Variants in HTT observed in about 807,000 individuals in gnomAD.
HTT encodes huntingtin, also known as huntington disease protein.
Under a neutral mutation model 362.3 loss-of-function variants are expected in HTT, and 104 were observed. That is an observed-to-expected ratio of 0.29 (90% confidence interval 0.24 to 0.34). HTT has a LOEUF of 0.34. HTT is among the 10% of genes least tolerant of loss of function. The pLI is 1.00. For synonymous variants in HTT, 1,577 were observed against 1,548.7 expected, an observed-to-expected ratio of 1.02 and a Z score of -0.43; for missense variants, 3,301 against 3,928.6, an observed-to-expected ratio of 0.84 and a Z score of 4.27.
intron 1 of HTT, among the ~76,000 whole-genome samples, chr4:3,081,814 C>G (rs1346734885): frequency 1.3e-5 from 2 of 151,696 alleles, no homozygotes; most frequent in Non-Finnish European, 2.9e-5. Flanking sequence ...GCCTCAGCCT[C>G]CCAAAGTGCT....
In HTT at chr4:3,188,992, T is replaced by C; in HGVS notation, c.5267T>C (p.Val1756Ala). ...GTTGGTATTCTTTTAGAAGACATTG[T>C]TACAAAACAGCTGAAGGTGGAAATG... The part of the protein sequence containing the change: ...QLVGILLEDI[V>A]TKQLKVEMSE... The change falls in exon 40 of 67, where the codon GTT (valine) becomes GCT (alanine). Residue 1756 changes from valine (V) to alanine (A), a missense_variant. Val to Ala is a moderately conservative substitution (Grantham distance 64). This residue lies in a region of HTT where 2,316 missense variants were observed against 2,658.5 expected (regional missense o/e 0.87). Coordinates refer to ENST00000355072, the MANE Select transcript of HTT (RefSeq NM_001388492.1). The C allele has an allele frequency of 6.2e-7, 1 of 1,614,130 alleles. No individual in the cohort carries two copies. Among genetic ancestry groups the C allele is most frequent in the Non-Finnish European group, 8.5e-7 (1 of 1,179,958 alleles).
At chr4:3,147,001 T>G in intron 25 of HTT, 53 bp downstream of exon 25, 1 of 1,566,122 alleles carries the variant, frequency 6.4e-7, no homozygotes, top group South Asian at 1.1e-5. Context: ...TTGATTTCCT[T>G]AGGGGGAATG....
chr4:3,095,895 A>G (rs779763924), intron 2 of HTT, among the ~76,000 whole-genome samples: 2 of 152,372 alleles, frequency 1.3e-5, no homozygotes, highest in South Asian at 2.1e-4. Context: ...CAACCTAACT[A>G]TGTCAAAAAG....
Position 3,123,681 on chromosome 4 carries a change from C to T in HTT, c.1321+745C>T, listed in dbSNP as rs113855027. ...CTCCAGCCTAGGCAACAGAATGAGA[C>T]CTTGTGTCTTAAAAAAAAAAAGTTT... On this transcript the variant is annotated intron_variant, in intron 10 of 66. Coordinates refer to ENST00000355072, the MANE Select transcript of HTT (RefSeq NM_001388492.1). 6.3e-3 allele frequency among the ~76,000 whole-genome samples: 961 copies of T among 152,044 alleles called. 10 individuals carry two copies. Among genetic ancestry groups the T allele is most frequent in the African/African-American group, 0.022 (919 of 41,474 alleles).
chr4:3,215,442 A>G (rs1720352997), intron 51 of HTT, among the ~76,000 whole-genome samples: 2 of 152,060 alleles, frequency 1.3e-5, no homozygotes, highest in South Asian at 4.2e-4. Flanking sequence ...CTGACCCTAC[A>G]GACCAGCTGG....
chr4:3,086,708 A>G (rs1713227088), intron 1 of HTT, among the ~76,000 whole-genome samples: 1 of 152,152 alleles, frequency 6.6e-6, no homozygotes, highest in African/African-American at 2.4e-5. Flanking sequence ...GGGGAAATGA[A>G]CTGCTTTAGT....
intron 1 of HTT, among the ~76,000 whole-genome samples, chr4:3,075,856 T>C (rs1267451662): frequency 2.0e-5 from 3 of 149,766 alleles, no homozygotes; most frequent in Non-Finnish European, 4.4e-5. Flanking sequence ...GAATGAGTTG[T>C]GGTTGCCAAG....
chr4:3,126,107 C>T (rs1339311535), intron 11 of HTT, among the ~76,000 whole-genome samples: 1 of 152,212 alleles, frequency 6.6e-6, no homozygotes, highest in Non-Finnish European at 1.5e-5. Flanking sequence ...CACTGGAGTG[C>T]AGTGGTGTGC....
In HTT at chr4:3,130,037, C is replaced by G. The variant is rs1354746576; in HGVS notation, c.1857C>G (p.Asn619Lys). The G allele has an allele frequency of 1.1e-5, 18 of 1,609,870 alleles. No homozygotes were observed. Among genetic ancestry groups the G allele is most frequent in the South Asian group, 7.7e-5 (7 of 90,384 alleles). Residue 619 changes from asparagine to lysine, a missense_variant, in exon 13 of 67, where the codon AAC becomes AAG. Asn to Lys is a moderately conservative substitution (Grantham distance 94). This residue lies in a region of HTT where 2,316 missense variants were observed against 2,658.5 expected (regional missense o/e 0.87). Coordinates refer to ENST00000355072, the MANE Select transcript of HTT (RefSeq NM_001388492.1). Reference sequence around the variant, plus strand: ...ATGAAGCCTCGGAGGCCTTCAGGAACTCTTCCATGGGTATGTGGACTACAG... The same window carrying G: ...ATGAAGCCTCGGAGGCCTTCAGGAAGTCTTCCATGGGTATGTGGACTACAG... ...LPDEASEAFR[N>K]SSMALQQAHL... is the part of the protein sequence containing the mutation.
intron 28 of HTT, 89 bp downstream of exon 28, chr4:3,157,288 G>T: frequency 8.0e-7 from 1 of 1,242,732 alleles, no homozygotes. Context: ...TTTGTAGGAT[G>T]TATAAGCCCT....
Position 3,092,647 on chromosome 4 carries a change from G to A in HTT, c.347+5625G>A, listed in dbSNP as rs377255005. Among the ~76,000 whole-genome samples the A allele has an allele frequency of 4.6e-5, 7 of 152,284 alleles. No homozygotes were observed. The East Asian group carries it at 7.7e-4, about 17-fold the overall frequency. Reference sequence around the variant, plus strand: ...TCCTCCCACCTTGGCCTCCCAAAGCGCTGAGATTACAGGCATGAGCCACCA... The same window carrying A: ...TCCTCCCACCTTGGCCTCCCAAAGCACTGAGATTACAGGCATGAGCCACCA... On this transcript the variant is annotated intron_variant, in intron 2 of 66. Transcript: ENST00000355072.
In HTT at chr4:3,186,602, C is replaced by T; in HGVS notation, c.4872C>T (p.His1624=). Residue 1624 remains histidine, a synonymous_variant, in exon 38 of 67, where the codon CAC becomes CAT. Transcript: ENST00000355072. ...TGTGGTGTCTAATTCCACAGATGCACATTGACTCTCATGAAGCCCTTGGAG... is the reference window on the plus strand; with the variant it reads ...TGTGGTGTCTAATTCCACAGATGCATATTGACTCTCATGAAGCCCTTGGAG... The part of the protein sequence containing the change: ...ILPMLAKQQM[H]IDSHEALGVL... The T allele has an allele frequency of 6.2e-7, 1 of 1,611,828 alleles. No individual in the cohort carries two copies. The highest frequency in any genetic ancestry group is 1.1e-5 in the South Asian group (1 of 91,042).
intron 14 of HTT, 34 bp from the exon 15 acceptor site, chr4:3,131,252 A>G (rs749055524): frequency 2.1e-6 from 3 of 1,439,602 alleles, no homozygotes; most frequent in East Asian, 2.3e-5. Flanking sequence ...ATTGTTGAGT[A>G]TGAGACAAAC....
chr4:3,169,681 C>T lies in HTT; in HGVS notation c.3865-2639C>T, dbSNP rs142730642. ...CTCCACCTCCCAGGCTCAAGCAATT[C>T]TTCTGCCTCAGCCTCCCGAGTAGCT... On this transcript the variant is annotated intron_variant, in intron 29 of 66. Coordinates refer to ENST00000355072, the MANE Select transcript of HTT (RefSeq NM_001388492.1). Among the ~76,000 whole-genome samples, 8 of 152,140 alleles carry T rather than the reference C, an allele frequency of 5.3e-5. No individual in the cohort carries two copies. In the East Asian group the frequency reaches 1.6e-3, roughly 30 times the overall value.
chr4:3,109,549 C>T (rs1182117423), intron 6 of HTT, among the ~76,000 whole-genome samples: 1 of 152,110 alleles, frequency 6.6e-6, no homozygotes, highest in Non-Finnish European at 1.5e-5. Context: ...AAATAACATG[C>T]TTCTACTGCT....
At chr4:3,093,582 G>A (rs2110148829) in intron 2 of HTT, among the ~76,000 whole-genome samples, 1 of 152,246 alleles carries the variant, frequency 6.6e-6, no homozygotes, top group East Asian at 1.9e-4. Context: ...GTTTTATGAT[G>A]TGATTAAATT....
rs1715354547 is a variant in HTT at position 3,122,835 on chromosome 4, T to C, written c.1274-54T>C. ...CAAGCTGTTTGAAGATTTTCACATT[T>C]CTTCTAGATTTTATCAGCTTGTTAC... is the stretch of plus-strand genomic sequence containing the variant. On this transcript the variant is annotated intron_variant, in intron 9 of 66. Coordinates refer to ENST00000355072, the MANE Select transcript of HTT (RefSeq NM_001388492.1). 2.8e-6 allele frequency: 4 copies of C among 1,437,400 alleles called. No individual in the cohort carries two copies. The Admixed American group carries it at 6.0e-5, about 22-fold the overall frequency. 89.0% of individuals were successfully genotyped at this position (1,437,400 alleles called of 1,614,324 possible).
At chr4:3,208,972 G>A in intron 46 of HTT, 61 bp downstream of exon 46, 1 of 1,529,226 alleles carries the variant, frequency 6.5e-7, no homozygotes, top group Non-Finnish European at 8.8e-7. Context: ...GTCACCTGTG[G>A]CAGATACAGA....
At chr4:3,172,606 G>A (rs1229737804) in intron 30 of HTT, among the ~76,000 whole-genome samples, 2 of 152,132 alleles carry the variant, frequency 1.3e-5, no homozygotes, top group Admixed American at 6.5e-5. Context: ...ACTGTGGAGG[G>A]CAGAGGACAC....
Sources: allele counts gnomAD v4.1 joint callset (sites outside exome capture counted in the v4.1 genomes callset), GRCh38; gene constraint gnomAD v4.1.1; regional missense constraint gnomAD v4.1.1; transcripts MANE v1.5; gene names NCBI Gene and HGNC (gene_info 2026-07-23, HGNC 2026-07-21).